The following SETBP1 variants were observed in gnomAD, a reference collection of about 807,000 sequenced individuals.
SETBP1 encodes the protein SET binding protein 1.
In SETBP1, 9 loss-of-function variants were observed where a neutral mutation model predicts 101.0. The ratio of observed to expected loss-of-function variants is 0.09; its 90% CI spans 0.05 to 0.16. The LOEUF (loss-of-function observed/expected upper bound fraction) is 0.16, where lower values mean the gene tolerates loss of function less well. Among genes scored for constraint, SETBP1 ranks in the 10% least tolerant of loss-of-function variants. SETBP1 has a pLI of 1.00. For missense variants in SETBP1, 1,858 were observed against 2,033.8 expected, an observed-to-expected ratio of 0.91 and a Z score of 1.66; for synonymous variants, 818 against 788.5, an observed-to-expected ratio of 1.04 and a Z score of -0.63.
chr18:44,832,583 G>A (rs1377305414), intron 2 of SETBP1, among the ~76,000 whole-genome samples: 1 of 152,184 alleles, frequency 6.6e-6, no homozygotes, highest in Non-Finnish European at 1.5e-5. Context: ...TTTTCACTTA[G>A]CATCAGGATA....
chr18:44,938,007 G>T (rs996114588), intron 3 of SETBP1, among the ~76,000 whole-genome samples: 1 of 152,038 alleles, frequency 6.6e-6, no homozygotes, highest in African/African-American at 2.4e-5. Flanking sequence ...ATATTGTTTC[G>T]TCCTCAGCAA....
chr18:44,876,701 C>T (rs765698480), intron 3 of SETBP1: 8 of 1,504,424 alleles, frequency 5.3e-6, no homozygotes, highest in South Asian at 2.4e-5. Context: ...AAACCCGGTT[C>T]TCTCACTCTT....
intron 3 of SETBP1, among the ~76,000 whole-genome samples, chr18:44,913,445 G>C (rs914677051): frequency 6.6e-6 from 1 of 152,222 alleles, no homozygotes; most frequent in African/African-American, 2.4e-5. Flanking sequence ...TGCATGCAGT[G>C]AGGGTCCTGA....
At chr18:45,024,415 T>G (rs1352322766) in intron 4 of SETBP1, among the ~76,000 whole-genome samples, 9 of 152,200 alleles carry the variant, frequency 5.9e-5, no homozygotes, top group African/African-American at 2.2e-4. Flanking sequence ...TCTGCCTCCA[T>G]AGCAGTCTGT....
intron 3 of SETBP1, among the ~76,000 whole-genome samples, chr18:44,913,521 C>G (rs1037814059): frequency 6.6e-6 from 1 of 152,214 alleles, no homozygotes; most frequent in Non-Finnish European, 1.5e-5. Flanking sequence ...AGAGGTGAGT[C>G]AGGACTTAAA....
At chr18:44,842,078 C>A (rs768432697) in intron 2 of SETBP1, among the ~76,000 whole-genome samples, 3 of 152,152 alleles carry the variant, frequency 2.0e-5, no homozygotes, top group Non-Finnish European at 4.4e-5. Flanking sequence ...TGCCATTCAA[C>A]TTTTATTGTT....
intron 2 of SETBP1, among the ~76,000 whole-genome samples, chr18:44,779,809 T>G (rs900832300): frequency 2.0e-5 from 3 of 152,238 alleles, no homozygotes; most frequent in Non-Finnish European, 4.4e-5. Context: ...TGCATCAACC[T>G]CAGAAGTCAC....
intron 4 of SETBP1, among the ~76,000 whole-genome samples, chr18:44,993,773 A>T (rs1400423559): frequency 6.6e-6 from 1 of 152,042 alleles, no homozygotes; most frequent in Non-Finnish European, 1.5e-5. Context: ...TACTCAATAT[A>T]AAAAGCCTAC....
chr18:44,985,728 TCTG>T (rs1267752838), intron 4 of SETBP1, among the ~76,000 whole-genome samples: 2 of 152,232 alleles, frequency 1.3e-5, no homozygotes, highest in Non-Finnish European at 2.9e-5. Flanking sequence ...TTACTTGTAA[TCTG>T]CTTTTAGGGC....
intron 3 of SETBP1, among the ~76,000 whole-genome samples, chr18:44,946,378 C>A (rs1168797391): frequency 6.6e-6 from 1 of 152,160 alleles, no homozygotes; most frequent in African/African-American, 2.4e-5. Context: ...GTGAGCAGGC[C>A]CCACCTTTCA....
intron 2 of SETBP1, among the ~76,000 whole-genome samples, chr18:44,831,752 G>C (rs1259148965): frequency 6.6e-6 from 1 of 152,140 alleles, no homozygotes; most frequent in Non-Finnish European, 1.5e-5. Flanking sequence ...TATTGGTTCT[G>C]GGTAACACAA....
chr18:44,807,802 C>A (rs2071779464), intron 2 of SETBP1, among the ~76,000 whole-genome samples: 1 of 152,072 alleles, frequency 6.6e-6, no homozygotes, highest in Admixed American at 6.5e-5. Context: ...GGACAGTGTT[C>A]CAGTTAGGGG....
At chr18:44,713,892 G>C (rs758518470) in intron 2 of SETBP1, among the ~76,000 whole-genome samples, 36 of 152,214 alleles carry the variant, frequency 2.4e-4, no homozygotes, top group Non-Finnish European at 4.6e-4. Flanking sequence ...TGGGTCTAGT[G>C]ACTACATAGA....
chr18:44,957,769 C>T (rs111303299), intron 4 of SETBP1, among the ~76,000 whole-genome samples: 4 of 152,136 alleles, frequency 2.6e-5, no homozygotes, highest in African/African-American at 9.6e-5. Context: ...GATGAAATGT[C>T]ATGAAAACTA....
intron 1 of SETBP1, among the ~76,000 whole-genome samples, chr18:44,688,805 G>A (rs2068880745): frequency 6.6e-6 from 1 of 152,176 alleles, no homozygotes; most frequent in African/African-American, 2.4e-5. Context: ...TAAAAGGGAT[G>A]ATTTGATGTG....
intron 2 of SETBP1, among the ~76,000 whole-genome samples, chr18:44,734,778 T>G (rs373546065): frequency 1.6e-4 from 24 of 152,348 alleles, no homozygotes; most frequent in African/African-American, 5.8e-4. Flanking sequence ...GTTACGTTTC[T>G]TCTTTTGGAC....
chr18:44,695,126 C>T (rs900740594), intron 1 of SETBP1, among the ~76,000 whole-genome samples: 1 of 151,832 alleles, frequency 6.6e-6, no homozygotes, highest in Non-Finnish European at 1.5e-5. Flanking sequence ...GTATGCTCTC[C>T]CACAAGGCAA....
At chr18:44,779,425 T>C (rs149290612) in intron 2 of SETBP1, among the ~76,000 whole-genome samples, 107 of 152,336 alleles carry the variant, frequency 7.0e-4, no homozygotes, top group African/African-American at 2.4e-3. Context: ...GAAACACATG[T>C]CATGCAGTAC....
At chr18:44,982,318 A>G (rs1041978063) in intron 4 of SETBP1, among the ~76,000 whole-genome samples, 1 of 152,204 alleles carries the variant, frequency 6.6e-6, no homozygotes, top group Non-Finnish European at 1.5e-5. Context: ...GCCGGCTGGA[A>G]GATCCACACA....
Sources: allele counts gnomAD v4.1 joint callset (sites outside exome capture counted in the v4.1 genomes callset), GRCh38; gene constraint gnomAD v4.1.1; transcripts MANE v1.5; gene names NCBI Gene and HGNC (gene_info 2026-07-23, HGNC 2026-07-21).